Variants in CABIN1 observed in about 807,000 individuals in gnomAD.
The protein encoded by CABIN1 is calcineurin-binding protein cabin-1.
CABIN1 carries 133 observed loss-of-function variants against 227.7 expected under a neutral mutation model. The ratio of observed to expected loss-of-function variants is 0.58; its 90% CI spans 0.51 to 0.67. The LOEUF is 0.67. CABIN1 is among the 30% of genes least tolerant of loss of function. CABIN1 has a pLI of 0.00. For synonymous variants in CABIN1, 1,086 were observed against 1,155.1 expected (o/e 0.94, Z 1.21); for missense variants, 2,408 against 2,852.5 (o/e 0.84, Z 3.55).
intron 1 of CABIN1, among the ~76,000 whole-genome samples, chr22:24,025,355 C>G (rs2036005805): frequency 6.6e-6 from 1 of 152,184 alleles, no homozygotes; most frequent in South Asian, 2.1e-4. Context: ...GGTGTTCCAT[C>G]TCTTTAAATC....
rs1250696104 is a variant in CABIN1 at position 24,084,630 on chromosome 22, A to C, written c.2962A>C (p.Lys988Gln). 2 of 1,614,072 alleles carry C rather than the reference A, an allele frequency of 1.2e-6. No homozygotes were observed. The highest frequency in any genetic ancestry group is 1.7e-6 in the Non-Finnish European group (2 of 1,180,018). Residue 988 changes from lysine to glutamine, a missense_variant, in exon 21 of 37, where the codon AAG becomes CAG. By Grantham distance (53) the Lys-to-Gln change is moderately conservative (BLOSUM62 1). Transcript: ENST00000263119. Reference protein sequence around the residue: ...ALFMFEYFKPKTLPEFDSYKT... With the variant: ...ALFMFEYFKPQTLPEFDSYKT... The stretch of plus-strand genomic sequence containing the variant: ...GTTCATGTTTGAGTATTTTAAGCCC[A>C]AGACCCTTCCTGAATTTGACAGCTA...
At chr22:24,158,740 CT>C (rs1033035566) in intron 29 of CABIN1, among the ~76,000 whole-genome samples, 5 of 152,184 alleles carry the variant, frequency 3.3e-5, no homozygotes, top group African/African-American at 4.8e-5. Context: ...TAGCCCATTA[CT>C]TCTTGTTCCA....
chr22:24,162,412 A>G (rs573927352), intron 29 of CABIN1, among the ~76,000 whole-genome samples: 14 of 152,224 alleles, frequency 9.2e-5, no homozygotes, highest in Non-Finnish European at 1.8e-4. Context: ...AGCCCACAAC[A>G]GAAGGGGCTT....
chr22:24,058,346 C>T (rs896962473), intron 10 of CABIN1, among the ~76,000 whole-genome samples: 11 of 152,194 alleles, frequency 7.2e-5, no homozygotes, highest in African/African-American at 2.7e-4. Context: ...TTTGAATGGT[C>T]AAGGCAAGAG....
chr22:24,062,262 G>A (rs2039247802), intron 13 of CABIN1, among the ~76,000 whole-genome samples: 1 of 152,118 alleles, frequency 6.6e-6, no homozygotes, highest in Admixed American at 6.5e-5. Flanking sequence ...AAGATTGAAG[G>A]AAGTGGGATC....
At chr22:24,080,888 C>T (rs1388654014) in intron 19 of CABIN1, among the ~76,000 whole-genome samples, 6 of 151,898 alleles carry the variant, frequency 4.0e-5, no homozygotes, top group African/African-American at 1.5e-4. Flanking sequence ...CTATTTTTTC[C>T]TTCCTTTTCA....
chr22:24,151,567 T>G (rs2045485242), intron 29 of CABIN1, among the ~76,000 whole-genome samples: 1 of 152,120 alleles, frequency 6.6e-6, no homozygotes, highest in Non-Finnish European at 1.5e-5. Context: ...TGGGCTATTC[T>G]AGAAGCCTGG....
At chr22:24,056,863 A>C (rs1409518969) in intron 10 of CABIN1, among the ~76,000 whole-genome samples, 2 of 151,870 alleles carry the variant, frequency 1.3e-5, no homozygotes, top group African/African-American at 4.8e-5. Flanking sequence ...CCTAGGGGAC[A>C]AGCAGGAACC....
intron 33 of CABIN1, chr22:24,170,114 C>T (rs1185707727): frequency 2.2e-6 from 1 of 457,044 alleles, no homozygotes; most frequent in Admixed American, 2.3e-5. Context: ...TCAGACCTAC[C>T]TGCCTGCTTC....
In CABIN1 at chr22:24,167,139, G is replaced by A. The variant is rs373802631; in HGVS notation, c.5508G>A (p.Pro1836=). 28 of 1,588,154 alleles carry A rather than the reference G, an allele frequency of 1.8e-5. No individual in the cohort carries two copies. The African/African-American group carries it at 1.9e-4, about 11-fold the overall frequency. The change falls in exon 32 of 37, where the codon CCG becomes CCA. Residue 1836 remains proline, a synonymous_variant. Transcript: ENST00000263119. The part of the protein sequence containing the change: ...TTTGTRAGGH[P]EEPLSRLSRK... The stretch of plus-strand genomic sequence containing the variant: ...CAGGGACCAGGGCAGGGGGCCACCC[G>A]GAGGAGCCGCTCTCCCGGCTCAGCC...
At chr22:24,143,882 C>G (rs1235524719) in intron 29 of CABIN1, among the ~76,000 whole-genome samples, 3 of 152,134 alleles carry the variant, frequency 2.0e-5, no homozygotes, top group Admixed American at 6.5e-5. Flanking sequence ...GTGCTTATGG[C>G]TGTTTTCAGG....
At chr22:24,012,650 A>G (rs1483908420) in intron 1 of CABIN1, among the ~76,000 whole-genome samples, 1 of 152,202 alleles carries the variant, frequency 6.6e-6, no homozygotes, top group African/African-American at 2.4e-5. Context: ...TTGGAAACTT[A>G]TTAGCTTAGA....
chr22:24,120,375 G>C (rs555577550), intron 28 of CABIN1, among the ~76,000 whole-genome samples: 1 of 152,204 alleles, frequency 6.6e-6, no homozygotes, highest in Non-Finnish European at 1.5e-5. Context: ...TTCTGCTGGC[G>C]TTTAGATTTG....
intron 24 of CABIN1, among the ~76,000 whole-genome samples, chr22:24,093,157 T>C (rs1331042396): frequency 6.6e-6 from 1 of 152,236 alleles, no homozygotes; most frequent in Non-Finnish European, 1.5e-5. Flanking sequence ...AATGGCTACT[T>C]GCCCCAAGGT....
intron 16 of CABIN1, among the ~76,000 whole-genome samples, chr22:24,068,553 G>A (rs574552430): frequency 2.2e-4 from 34 of 152,376 alleles, no homozygotes; most frequent in African/African-American, 5.3e-4. Context: ...GCTTGAGGTC[G>A]GAGCCGAATG....
rs758151654 is a variant in CABIN1, at chr22:24,166,759, C to T, written c.5128C>T (p.Pro1710Ser). The change falls in exon 32 of 37, where the codon CCT becomes TCT. Residue 1710 changes from proline to serine, a missense_variant. Pro to Ser is a moderately conservative substitution (Grantham distance 74, BLOSUM62 -1). Coordinates refer to ENST00000263119, the MANE Select transcript of CABIN1 (RefSeq NM_012295.4). Reference protein sequence around the residue: ...QEGLPQPKKPPLADGSGPGPE... With the variant: ...QEGLPQPKKPSLADGSGPGPE... ...GGGCCTCCCCCAGCCGAAGAAGCCC[C>T]CTCTGGCTGATGGCTCAGGGCCAGG... The T allele has an allele frequency of 1.2e-6, 2 of 1,612,912 alleles. No homozygotes were observed. The highest frequency in any genetic ancestry group is 2.2e-5 in the East Asian group (1 of 44,878).
At chr22:24,110,386 G>A (rs2042744421) in intron 26 of CABIN1, among the ~76,000 whole-genome samples, 1 of 152,088 alleles carries the variant, frequency 6.6e-6, no homozygotes. Context: ...TATGCTCTAA[G>A]CCCACAATAC....
chr22:24,171,227 G>A (rs911972864), intron 33 of CABIN1, among the ~76,000 whole-genome samples: 1 of 152,168 alleles, frequency 6.6e-6, no homozygotes, highest in African/African-American at 2.4e-5. Context: ...GTGGGTTGTG[G>A]TATCAAGCCC....
intron 24 of CABIN1, among the ~76,000 whole-genome samples, chr22:24,092,779 A>G (rs960320574): frequency 6.6e-6 from 1 of 151,538 alleles, no homozygotes; most frequent in Non-Finnish European, 1.5e-5. Context: ...GAAGGCCCCT[A>G]GTGATTCCAG....
Sources: gnomAD v4.1 joint callset for allele counts (sites outside exome capture counted in the v4.1 genomes callset) on GRCh38, gnomAD v4.1.1 for gene constraint, MANE v1.5 for transcripts, NCBI Gene and HGNC (gene_info 2026-07-23, HGNC 2026-07-21) for gene names.